Variants in LPA observed in about 807,000 individuals in gnomAD.
LPA encodes apolipoprotein(a).
Under a neutral mutation model 197.9 loss-of-function variants are expected in LPA, and 199 were observed. That is an observed-to-expected ratio of 1.01 (90% CI 0.90 to 1.13). The LOEUF is 1.13. LPA is among the 50% of genes most tolerant of loss of function. The pLI is 0.00. For missense variants in LPA, 1,853 were observed against 1,785.8 expected, an observed-to-expected ratio of 1.04 and a Z score of -0.68; for synonymous variants, 715 against 639.5, an observed-to-expected ratio of 1.12 and a Z score of -1.78.
In LPA at chr6:160,606,611, G is replaced by A. The variant is rs757352277; in HGVS notation, c.2651C>T (p.Pro884Leu). 3.7e-6 allele frequency: 6 copies of A among 1,613,986 alleles called. No homozygotes were observed. Among genetic ancestry groups the A allele is most frequent in the Non-Finnish European group, 4.2e-6 (5 of 1,179,952 alleles). Reference protein sequence around the residue: ...YCRNPDPVAAPYCYTRDPSVR... With the variant: ...YCRNPDPVAALYCYTRDPSVR... ...ACTGGGATCCCTCGTATAACAATAA[G>A]GGGCTGCCACAGGATCTGGATTCCT... Residue 884 changes from proline to leucine, a missense_variant, in exon 17 of 39, where the codon CCT (proline) becomes CTT (leucine). Transcript: ENST00000316300.
chr6:160,589,843 A>T, intron 23 of LPA, 131 bp from the exon 24 acceptor site: 1 of 1,000,814 alleles, frequency 1.0e-6, no homozygotes, highest in South Asian at 1.4e-5. Flanking sequence ...ATTAGTAGGC[A>T]GATGGACATG....
At chr6:160,663,350 A>G (rs895753821) in intron 1 of LPA, among the ~76,000 whole-genome samples, 1 of 152,238 alleles carries the variant, frequency 6.6e-6, no homozygotes, top group Non-Finnish European at 1.5e-5. Context: ...GCTTAAATCC[A>G]GGTTTCTTTA....
chr6:160,544,638 C>T (rs1778035242), intron 33 of LPA, among the ~76,000 whole-genome samples: 1 of 152,132 alleles, frequency 6.6e-6, no homozygotes, highest in Non-Finnish European at 1.5e-5. Flanking sequence ...AGCTCAAGGT[C>T]CCTTCACATG....
intron 19 of LPA, among the ~76,000 whole-genome samples, chr6:160,600,417 G>T (rs1583610850): frequency 6.6e-6 from 1 of 152,134 alleles, no homozygotes; most frequent in Non-Finnish European, 1.5e-5. Flanking sequence ...CTGAGAGATA[G>T]AGCTTCGGGA....
At chr6:160,549,888 G>T (rs559523467) in intron 30 of LPA, among the ~76,000 whole-genome samples, 1 of 152,170 alleles carries the variant, frequency 6.6e-6, no homozygotes, top group African/African-American at 2.4e-5. Context: ...GATCTGAAAA[G>T]GTCCACCAGC....
chr6:160,549,261 A>G (rs563335976), intron 30 of LPA, among the ~76,000 whole-genome samples: 3 of 152,360 alleles, frequency 2.0e-5, no homozygotes, highest in African/African-American at 7.2e-5. Context: ...GGGTGGGGAC[A>G]TAGCCAAACC....
chr6:160,536,165 C>T (rs1461852380), intron 37 of LPA, among the ~76,000 whole-genome samples: 2 of 152,144 alleles, frequency 1.3e-5, no homozygotes, highest in African/African-American at 4.8e-5. Flanking sequence ...TTTCCCGGTA[C>T]AGCCACAGCA....
intron 30 of LPA, among the ~76,000 whole-genome samples, chr6:160,554,896 C>T (rs570763676): frequency 3.0e-4 from 46 of 152,264 alleles, no homozygotes; most frequent in South Asian, 4.1e-4. Flanking sequence ...GGCTCCAATT[C>T]CTTGCCCTTC....
At chr6:160,606,298 T>C (rs6455694) in intron 17 of LPA, among the ~76,000 whole-genome samples, 179 bp downstream of exon 17, 152,279 of 152,280 alleles carry the variant, frequency 1, 76,139 homozygotes, top group Middle Eastern at 1. Flanking sequence ...CCCAACGTTG[T>C]ACCAGAAATC....
intron 28 of LPA, among the ~76,000 whole-genome samples, chr6:160,569,385 G>T (rs1447481268): frequency 3.3e-5 from 5 of 151,846 alleles, no homozygotes; most frequent in East Asian, 1.9e-4. Flanking sequence ...ATAGGGAAAG[G>T]TTTCCCTATT....
chr6:160,642,835 A>AT (rs1422819837), intron 4 of LPA, among the ~76,000 whole-genome samples: 20 of 33,166 alleles, frequency 6.0e-4, no homozygotes, highest in African/African-American at 1.6e-3. Context: ...CGATTCTGTG[A>AT]TTTTTTTTAA....
chr6:160,580,395 A>G (rs1778770968), intron 26 of LPA, among the ~76,000 whole-genome samples: 1 of 152,144 alleles, frequency 6.6e-6, no homozygotes, highest in African/African-American at 2.4e-5. Flanking sequence ...TTGTGGACTT[A>G]TGTTTTCATT....
In LPA at chr6:160,545,547, G is replaced by A. The variant is rs779388255; in HGVS notation, c.5305-14C>T. The A allele has an allele frequency of 3.3e-6, 5 of 1,524,024 alleles. No homozygotes were observed. Among genetic ancestry groups the A allele is most frequent in the East Asian group, 4.5e-5 (2 of 44,420 alleles). The allele number at this position is 1,524,024 out of a possible 1,614,324, so 94.4% of individuals were successfully genotyped here. ...GTTACGGCAGTACTGAAAACAAGCA[G>A]GCATGTAAGCTCCAGCTCACGTGGA... is the stretch of plus-strand genomic sequence containing the variant. On this transcript the variant is annotated splice_polypyrimidine_tract_variant and intron_variant, in intron 32 of 38. Transcript: ENST00000316300.
intron 1 of LPA, among the ~76,000 whole-genome samples, chr6:160,660,849 T>G (rs969490860): frequency 6.6e-6 from 1 of 152,098 alleles, no homozygotes; most frequent in African/African-American, 2.4e-5. Context: ...CACACCACTA[T>G]TAGTTGGGGA....
chr6:160,577,244 C>G lies in LPA; in HGVS notation c.4523G>C (p.Arg1508Pro), dbSNP rs147235826. 1.9e-6 allele frequency: 3 copies of G among 1,613,698 alleles called. No individual in the cohort carries two copies. Among genetic ancestry groups the G allele is most frequent in the African/African-American group, 1.3e-5 (1 of 74,872 alleles). Reference protein sequence around the residue: ...VVQDCYHGDGRSYRGISSTTV... With the variant: ...VVQDCYHGDGPSYRGISSTTV... ...GGTGGAGGATATGCCTCGATAACTC[C>G]GTCCATCACCATGGTAGCAATCCTG... Residue 1508 changes from arginine (R) to proline (P), a missense_variant, in exon 28 of 39, where the codon CGG (arginine) becomes CCG (proline). This residue lies in a region of LPA where 1,737 missense variants were observed against 1,504.4 expected (regional missense o/e 1.15). Coordinates refer to ENST00000316300, the MANE Select transcript of LPA (RefSeq NM_005577.4).
At chr6:160,594,762 G>C (rs1030092147) in intron 21 of LPA, among the ~76,000 whole-genome samples, 1 of 152,196 alleles carries the variant, frequency 6.6e-6, no homozygotes, top group Non-Finnish European at 1.5e-5. Flanking sequence ...CCATGAGAAG[G>C]AGGGGCAAGA....
chr6:160,598,142 T>A (rs2115051897), intron 20 of LPA, among the ~76,000 whole-genome samples: 1 of 152,332 alleles, frequency 6.6e-6, no homozygotes, highest in Non-Finnish European at 1.5e-5. Flanking sequence ...TCCAGAGCAC[T>A]ATGTGAGCTC....
chr6:160,610,291 T>G (rs931625955), intron 16 of LPA, among the ~76,000 whole-genome samples: 1 of 152,172 alleles, frequency 6.6e-6, no homozygotes, highest in African/African-American at 2.4e-5. Context: ...CTTCATTGAT[T>G]GGAAACCCAT....
intron 24 of LPA, among the ~76,000 whole-genome samples, chr6:160,587,800 T>TG (rs535763950): frequency 0.17 from 14,730 of 85,358 alleles, 769 homozygotes; most frequent in African/African-American, 0.25. Context: ...TGTGTGTGTG[T>TG]TTCTGTCTGT....
Sources: gnomAD v4.1 joint callset for allele counts (sites outside exome capture counted in the v4.1 genomes callset) on GRCh38, gnomAD v4.1.1 for gene constraint, gnomAD v4.1.1 regional missense constraint, MANE v1.5 for transcripts, NCBI Gene and HGNC (gene_info 2026-07-23, HGNC 2026-07-21) for gene names.